The following NKAIN2 variants were observed in gnomAD, a reference collection of about 807,000 sequenced individuals.
The protein encoded by NKAIN2 is sodium/potassium-transporting ATPase subunit beta-1-interacting protein 2.
A neutral mutation model predicts 32.6 loss-of-function variants in NKAIN2; 14 were observed. That is an observed-to-expected ratio of 0.43 (90% confidence interval 0.28 to 0.67). The LOEUF (loss-of-function observed/expected upper bound fraction) is 0.67, where lower values mean the gene tolerates loss of function less well. Among genes scored for constraint, NKAIN2 ranks in the 30% least tolerant of loss-of-function variants. NKAIN2 has a pLI of 0.17. For missense variants in NKAIN2, 198 were observed against 258.3 expected (o/e 0.77, Z 1.60); for synonymous variants, 80 against 87.2 (o/e 0.92, Z 0.46).
intron 3 of NKAIN2, among the ~76,000 whole-genome samples, chr6:124,396,427 T>TAAA (rs1773382650): frequency 8.0e-6 from 1 of 125,428 alleles, no homozygotes; most frequent in African/African-American, 3.5e-5. Flanking sequence ...TGCTATTTGA[T>TAAA]TAAAAAAAAA....
chr6:124,338,102 T>C (rs1439713453), intron 2 of NKAIN2, among the ~76,000 whole-genome samples: 3 of 152,180 alleles, frequency 2.0e-5, no homozygotes, highest in East Asian at 1.9e-4. Flanking sequence ...TCAACACTTT[T>C]AGCTATCCCA....
At chr6:124,270,861 C>A (rs899412022) in intron 1 of NKAIN2, among the ~76,000 whole-genome samples, 1 of 152,306 alleles carries the variant, frequency 6.6e-6, no homozygotes, top group Non-Finnish European at 1.5e-5. Flanking sequence ...GAAAGACTGT[C>A]ATTTGAACAG....
At chr6:124,789,923 G>A (rs1217234944) in intron 4 of NKAIN2, among the ~76,000 whole-genome samples, 2 of 151,920 alleles carry the variant, frequency 1.3e-5, no homozygotes, top group Admixed American at 6.6e-5. Flanking sequence ...ATGTGTACTG[G>A]TACAGATACT....
At chr6:124,702,204 A>T (rs1281628846) in intron 4 of NKAIN2, among the ~76,000 whole-genome samples, 1 of 152,124 alleles carries the variant, frequency 6.6e-6, no homozygotes, top group East Asian at 1.9e-4. Context: ...CTCCATTAGA[A>T]TCCTTTTTGA....
chr6:124,121,491 A>T (rs1444051997), intron 1 of NKAIN2, among the ~76,000 whole-genome samples: 2 of 152,094 alleles, frequency 1.3e-5, no homozygotes, highest in Non-Finnish European at 2.9e-5. Context: ...ACTATTAATT[A>T]TAATAATACA....
At chr6:124,136,885 A>G (rs1786820077) in intron 1 of NKAIN2, among the ~76,000 whole-genome samples, 1 of 152,160 alleles carries the variant, frequency 6.6e-6, no homozygotes, top group Non-Finnish European at 1.5e-5. Flanking sequence ...GCCATATATG[A>G]CAGACCCACA....
chr6:124,077,707 T>C (rs907022109), intron 1 of NKAIN2, among the ~76,000 whole-genome samples: 8 of 151,950 alleles, frequency 5.3e-5, no homozygotes, highest in African/African-American at 1.9e-4. Context: ...AGGAATCCTC[T>C]AGCCTCAGCC....
In NKAIN2 at chr6:123,964,384, T is replaced by G. The variant is rs1208752206; in HGVS notation, c.54+160130T>G. On this transcript the variant is annotated intron_variant, in intron 1 of 6. Coordinates refer to ENST00000368417, the MANE Select transcript of NKAIN2 (RefSeq NM_001040214.3). This position sits in a 1 kb window ranked among gnomAD's most constrained non-coding sequence, Gnocchi z 4.0. ...AGTATCAATTGCCAGTGTCAGCACG[T>G]TGAATTGCTTTATAAGGCTGTATAA... 6.6e-6 allele frequency among the ~76,000 whole-genome samples: 1 copy of G among 152,180 alleles called. No homozygotes were observed.
At chr6:124,462,427 A>G (rs1776569091) in intron 3 of NKAIN2, among the ~76,000 whole-genome samples, 1 of 151,904 alleles carries the variant, frequency 6.6e-6, no homozygotes, top group South Asian at 2.1e-4. Flanking sequence ...GAGAATATAA[A>G]CCTCTCATCC....
intron 1 of NKAIN2, among the ~76,000 whole-genome samples, chr6:124,040,131 C>T (rs1178255370): frequency 1.3e-5 from 2 of 151,848 alleles, no homozygotes; most frequent in African/African-American, 4.8e-5. Context: ...TTACAGATTT[C>T]CTGAAGGGGA....
At chr6:124,394,165 T>C (rs1387351480) in intron 3 of NKAIN2, among the ~76,000 whole-genome samples, 2 of 152,184 alleles carry the variant, frequency 1.3e-5, no homozygotes, top group South Asian at 2.1e-4. Flanking sequence ...ATTTGTATTT[T>C]TCATGAGTCA....
intron 3 of NKAIN2, among the ~76,000 whole-genome samples, chr6:124,456,581 T>TA (rs1428526650): frequency 4.6e-5 from 7 of 151,940 alleles, no homozygotes; most frequent in African/African-American, 1.7e-4. Flanking sequence ...AGTGAATATA[T>TA]TTGCATATGG....
At chr6:124,361,705 A>G (rs902303057) in intron 3 of NKAIN2, among the ~76,000 whole-genome samples, 3 of 152,226 alleles carry the variant, frequency 2.0e-5, no homozygotes, top group Admixed American at 2.0e-4. Context: ...TCATGTAACA[A>G]TGTGGCTTAT....
At chr6:124,184,055 C>T (rs1003249413) in intron 1 of NKAIN2, among the ~76,000 whole-genome samples, 9 of 152,092 alleles carry the variant, frequency 5.9e-5, no homozygotes, top group Non-Finnish European at 1.3e-4. Context: ...GCCAGATGCT[C>T]ACAGAATGAT....
rs80250248 is a variant in NKAIN2, at chr6:124,821,865, C to T, written c.618-1355C>T. On this transcript the variant is annotated intron_variant, in intron 6 of 6. Coordinates refer to ENST00000368417, the MANE Select transcript of NKAIN2 (RefSeq NM_001040214.3). ...GAACAGTAAGGTTTTATTTTACAGA[C>T]GAGGAAACTCAACCCAATAAAAGGA... 6.1e-3 allele frequency among the ~76,000 whole-genome samples: 930 copies of T among 152,222 alleles called. 10 individuals carry two copies. The highest frequency in any genetic ancestry group is 0.021 in the African/African-American group (880 of 41,542).
intron 1 of NKAIN2, among the ~76,000 whole-genome samples, chr6:124,028,847 A>G (rs948296095): frequency 7.5e-6 from 1 of 132,858 alleles, no homozygotes; most frequent in African/African-American, 3.1e-5. Flanking sequence ...ATATGTATAT[A>G]TGTGTGTGTC....
intron 3 of NKAIN2, among the ~76,000 whole-genome samples, chr6:124,523,151 A>AG (rs781297046): frequency 0.021 from 618 of 28,926 alleles, 12 homozygotes; most frequent in Non-Finnish European, 0.21. Flanking sequence ...TCAAAAAAAA[A>AG]AAAAGAAAAA....
intron 4 of NKAIN2, among the ~76,000 whole-genome samples, chr6:124,691,687 A>T (rs939007123): frequency 1.3e-5 from 2 of 152,188 alleles, no homozygotes; most frequent in Non-Finnish European, 2.9e-5. Context: ...AGAATGGAAA[A>T]AGTCATCCAC....
At chr6:124,400,582 T>C (rs1201192245) in intron 3 of NKAIN2, among the ~76,000 whole-genome samples, 1 of 152,222 alleles carries the variant, frequency 6.6e-6, no homozygotes, top group Non-Finnish European at 1.5e-5. Flanking sequence ...CTCCCTAATT[T>C]GAGTGTCTGC....
Sources: gnomAD v4.1 joint callset for allele counts (sites outside exome capture counted in the v4.1 genomes callset) on GRCh38, gnomAD v4.1.1 for gene constraint, Gnocchi (gnomAD v3.1) non-coding constraint, MANE v1.5 for transcripts, NCBI Gene and HGNC (gene_info 2026-07-23, HGNC 2026-07-21) for gene names.